Variants in CCDC192 observed in about 807,000 individuals in gnomAD.
The protein encoded by CCDC192 is coiled-coil domain-containing protein 192.
rs1474752840 is a variant in CCDC192, at chr5:127,797,733, A to G, written c.355-373A>G. Among the ~76,000 whole-genome samples the G allele has an allele frequency of 1.4e-3, 15 of 10,360 alleles. 1 individual carries two copies. Among genetic ancestry groups the G allele is most frequent in the Admixed American group, 3.6e-3 (3 of 836 alleles). 6.8% of individuals were successfully genotyped at this position (10,360 alleles called of 152,430 possible). On this transcript the variant is annotated intron_variant, in intron 4 of 6. Transcript: ENST00000514853. ...TATGGATATGATTTCATGTGAAGGT[A>G]TATATATATATATATATATATATAT...
chr5:127,849,055 C>A (rs555454169), intron 5 of CCDC192, among the ~76,000 whole-genome samples: 1 of 152,104 alleles, frequency 6.6e-6, no homozygotes, highest in African/African-American at 2.4e-5. Context: ...TGTAGTGAAA[C>A]CCCATCTCTA....
chr5:127,718,829 A>C lies in CCDC192; in HGVS notation c.114+11069A>C, dbSNP rs58555965. Among the ~76,000 whole-genome samples the C allele has an allele frequency of 8.0e-3, 1,219 of 152,258 alleles. 19 individuals carry two copies. Among genetic ancestry groups the C allele is most frequent in the African/African-American group, 0.028 (1,144 of 41,542 alleles). On this transcript the variant is annotated intron_variant, in intron 2 of 6. Coordinates refer to ENST00000514853, the MANE Select transcript of CCDC192 (RefSeq NM_001317938.2). ...GATGAAATATTTTGATACAGGCATA[A>C]ATATATAATAATCACAACAGGATAA...
At chr5:127,752,978 C>A (rs563475374) in intron 2 of CCDC192, among the ~76,000 whole-genome samples, 6 of 152,126 alleles carry the variant, frequency 3.9e-5, no homozygotes, top group Non-Finnish European at 5.9e-5. Context: ...TGGGTCGCGT[C>A]GGTGTGCGCA....
At position 127,775,796 on chromosome 5, in the gene CCDC192, C is replaced by A. The variant is rs751094188; in HGVS notation, c.223-21307C>A. Among the ~76,000 whole-genome samples, 12 of 152,148 alleles carry A rather than the reference C, an allele frequency of 7.9e-5. 1 individual carries two copies. The highest frequency in any genetic ancestry group is 2.1e-4 in the South Asian group (1 of 4,826). On this transcript the variant is annotated intron_variant, in intron 3 of 6. Coordinates refer to ENST00000514853, the MANE Select transcript of CCDC192 (RefSeq NM_001317938.2). ...CGGTTCCCCCATACTGTCCTTATGG[C>A]AGTGAATAAATCTCACAAGATCTGA...
intron 6 of CCDC192, 58 bp downstream of exon 6, chr5:127,875,719 T>A: frequency 2.5e-6 from 1 of 397,918 alleles, no homozygotes; most frequent in East Asian, 3.6e-5. Flanking sequence ...ATGTATGTAG[T>A]TGTATTGGCA....
At chr5:127,810,169 C>T (rs773123574) in intron 5 of CCDC192, among the ~76,000 whole-genome samples, 1 of 152,186 alleles carries the variant, frequency 6.6e-6, no homozygotes, top group Non-Finnish European at 1.5e-5. Context: ...TCAGTGCTTA[C>T]CACAATAGAA....
At chr5:127,856,005 G>C (rs995176329) in intron 5 of CCDC192, among the ~76,000 whole-genome samples, 24 of 152,340 alleles carry the variant, frequency 1.6e-4, no homozygotes, top group African/African-American at 5.8e-4. Context: ...ATCAGCTGCA[G>C]TTAGCCCTTC....
At chr5:127,711,730 A>C (rs1184306808) in intron 2 of CCDC192, among the ~76,000 whole-genome samples, 2 of 152,166 alleles carry the variant, frequency 1.3e-5, no homozygotes, top group African/African-American at 4.8e-5. Flanking sequence ...ATCGCTGTTT[A>C]TTGTTAAGAT....
intron 6 of CCDC192, among the ~76,000 whole-genome samples, chr5:127,905,041 A>G (rs1458477739): frequency 1.3e-5 from 2 of 152,106 alleles, no homozygotes; most frequent in African/African-American, 4.8e-5. Flanking sequence ...AGATGCAAAT[A>G]TCCTGAATCC....
chr5:127,930,233 TAAACTA>T (rs1296581664), intron 6 of CCDC192, among the ~76,000 whole-genome samples: 1 of 4,872 alleles, frequency 2.1e-4, no homozygotes, highest in Non-Finnish European at 4.0e-4. Context: ...TAAACTAAAG[TAAACTA>T]AACTAAACTA....
chr5:127,877,088 C>T (rs1447232463), intron 6 of CCDC192, among the ~76,000 whole-genome samples: 1 of 152,192 alleles, frequency 6.6e-6, no homozygotes, highest in Non-Finnish European at 1.5e-5. Context: ...GAAAGTTCCC[C>T]AGCTCGCTTA....
intron 6 of CCDC192, among the ~76,000 whole-genome samples, chr5:127,895,322 C>T (rs754300199): frequency 1.3e-5 from 2 of 152,138 alleles, no homozygotes; most frequent in East Asian, 1.9e-4. Context: ...CTTCACAGCT[C>T]CTGCTCTGGT....
Position 127,735,665 on chromosome 5 carries a change from T to C in CCDC192, c.115-18603T>C, listed in dbSNP as rs946524501. On this transcript the variant is annotated intron_variant, in intron 2 of 6. Coordinates refer to ENST00000514853, the MANE Select transcript of CCDC192 (RefSeq NM_001317938.2). ...TCACATCCCTTGTAAGTTGGATTCCTAGGTATTTTATTCTCTTTGAAGCAA... is the reference window on the plus strand; with the variant it reads ...TCACATCCCTTGTAAGTTGGATTCCCAGGTATTTTATTCTCTTTGAAGCAA... 9.9e-5 allele frequency among the ~76,000 whole-genome samples: 13 copies of C among 130,692 alleles called. 1 individual carries two copies. Among genetic ancestry groups the C allele is most frequent in the African/African-American group, 4.5e-4 (13 of 28,674 alleles). 85.7% of individuals were successfully genotyped at this position (130,692 alleles called of 152,430 possible).
chr5:127,745,379 C>A (rs923011787), intron 2 of CCDC192, among the ~76,000 whole-genome samples: 1 of 152,038 alleles, frequency 6.6e-6, no homozygotes, highest in Non-Finnish European at 1.5e-5. Flanking sequence ...CAATGAGAAA[C>A]CTTTGCAACC....
chr5:127,723,992 G>A (rs561299901), intron 2 of CCDC192, among the ~76,000 whole-genome samples: 20 of 152,294 alleles, frequency 1.3e-4, no homozygotes, highest in African/African-American at 4.1e-4. Context: ...TAGGTTCAGA[G>A]AAATGGAGGG....
At chr5:127,927,706 C>A (rs574234829) in intron 6 of CCDC192, among the ~76,000 whole-genome samples, 1 of 152,264 alleles carries the variant, frequency 6.6e-6, no homozygotes, top group East Asian at 1.9e-4. Flanking sequence ...GGTCTGTAAT[C>A]CAGATCTCTC....
intron 6 of CCDC192, among the ~76,000 whole-genome samples, chr5:127,880,456 G>T (rs1321892582): frequency 9.1e-6 from 1 of 109,370 alleles, no homozygotes; most frequent in African/African-American, 3.5e-5. Flanking sequence ...CTGTGGTGGG[G>T]TGGGGGGAGG....
At chr5:127,709,202 G>GGAGAGAGAGAGAGAGAGAGAGAGA (rs201676720) in intron 2 of CCDC192, among the ~76,000 whole-genome samples, 1 of 85,766 alleles carries the variant, frequency 1.2e-5, no homozygotes, top group African/African-American at 4.8e-5. Context: ...GGAGAGAGGG[G>GGAGAGAGAGAGAGAGAGAGAGAGA]GAGAGAGAGA....
intron 5 of CCDC192, among the ~76,000 whole-genome samples, chr5:127,842,514 G>A (rs141270478): frequency 1.2e-3 from 181 of 152,192 alleles, no homozygotes; most frequent in African/African-American, 3.9e-3. Flanking sequence ...TACTGTGCCC[G>A]GCCAAAATTC....
Sources: gnomAD v4.1 joint callset for allele counts (sites outside exome capture counted in the v4.1 genomes callset) on GRCh38, gnomAD v4.1.1 for gene constraint, MANE v1.5 for transcripts, NCBI Gene and HGNC (gene_info 2026-07-23, HGNC 2026-07-21) for gene names.